The following PTPRD variants were observed in gnomAD, a reference collection of about 807,000 sequenced individuals.
The protein encoded by PTPRD is receptor-type tyrosine-protein phosphatase delta.
Under a neutral mutation model 214.5 loss-of-function variants are expected in PTPRD, and 34 were observed. That is an observed-to-expected ratio of 0.16 (90% CI 0.12 to 0.21). The LOEUF (loss-of-function observed/expected upper bound fraction) is 0.21, where lower values mean the gene tolerates loss of function less well. Among genes scored for constraint, PTPRD ranks in the 10% least tolerant of loss-of-function variants. The pLI, the probability that PTPRD is intolerant of heterozygous loss-of-function variation, is 1.00. For missense variants in PTPRD, 2,545 were observed against 2,398.7 expected, an observed-to-expected ratio of 1.06 and a Z score of -1.27; for synonymous variants, 1,128 against 845.7, an observed-to-expected ratio of 1.33 and a Z score of -5.79.
At chr9:10,386,869 T>C (rs1329008573) in intron 2 of PTPRD, among the ~76,000 whole-genome samples, 1 of 151,646 alleles carries the variant, frequency 6.6e-6, no homozygotes, top group African/African-American at 2.4e-5. Flanking sequence ...GCTAATAAAA[T>C]GACATTAAGA....
Position 9,982,609 on chromosome 9 carries a change from G to C in PTPRD, c.-471-43999C>G, listed in dbSNP as rs548074211. On this transcript the variant is annotated intron_variant, in intron 4 of 45. Coordinates refer to ENST00000381196, the MANE Select transcript of PTPRD (RefSeq NM_002839.4). ...AAGTTTCTTTCTTCCCTCAGGATAA[G>C]AATCAACACTTCCAGTTGCATTGTG... 2.5e-4 allele frequency among the ~76,000 whole-genome samples: 38 copies of C among 151,874 alleles called. No homozygotes were observed. In the South Asian group the frequency reaches 7.7e-3, roughly 31 times the overall value.
intron 11 of PTPRD, among the ~76,000 whole-genome samples, chr9:8,836,872 T>C (rs1453756313): frequency 6.6e-6 from 1 of 151,888 alleles, no homozygotes; most frequent in East Asian, 1.9e-4. Context: ...AGCAGACTCC[T>C]CCCTAGAAAA....
chr9:10,431,547 G>A (rs1245715725), intron 2 of PTPRD, among the ~76,000 whole-genome samples: 5 of 151,432 alleles, frequency 3.3e-5, no homozygotes. Context: ...CTGACAAAGG[G>A]CTAATATCCA....
At chr9:8,906,136 T>A (rs10759016) in intron 11 of PTPRD, among the ~76,000 whole-genome samples, 1 of 152,054 alleles carries the variant, frequency 6.6e-6, no homozygotes, top group Admixed American at 6.6e-5. Flanking sequence ...TAAGGACCTA[T>A]GCCCTGAGTT....
chr9:10,505,389 G>T (rs796328065), intron 2 of PTPRD, among the ~76,000 whole-genome samples: 4 of 152,252 alleles, frequency 2.6e-5, no homozygotes, highest in African/African-American at 9.6e-5. Flanking sequence ...AAGGGTTCCT[G>T]TTTGAGCTCC....
chr9:8,451,087 T>C (rs1314649635), intron 33 of PTPRD, among the ~76,000 whole-genome samples: 5 of 152,156 alleles, frequency 3.3e-5, no homozygotes, highest in Non-Finnish European at 5.9e-5. Context: ...TCCTGTTAAA[T>C]AGCCTTTCTT....
intron 11 of PTPRD, among the ~76,000 whole-genome samples, chr9:8,965,892 AG>A (rs2099191061): frequency 6.6e-6 from 1 of 152,148 alleles, no homozygotes; most frequent in Admixed American, 6.6e-5. Context: ...GAAAACCCTA[AG>A]GACTCTGACA....
chr9:10,150,523 AG>A (rs2099053652), intron 3 of PTPRD, among the ~76,000 whole-genome samples: 1 of 151,762 alleles, frequency 6.6e-6, no homozygotes, highest in Non-Finnish European at 1.5e-5. Flanking sequence ...GGGCAGGAGG[AG>A]GGGGGAGGGA....
At chr9:10,033,512 T>A (rs1165757124) in intron 4 of PTPRD, among the ~76,000 whole-genome samples, 2 of 152,018 alleles carry the variant, frequency 1.3e-5, no homozygotes, top group African/African-American at 4.8e-5. Context: ...TTTATATCTA[T>A]AAGTTTTAAT....
intron 11 of PTPRD, among the ~76,000 whole-genome samples, chr9:8,849,871 CA>C (rs2097778732): frequency 6.6e-6 from 1 of 151,856 alleles, no homozygotes; most frequent in Non-Finnish European, 1.5e-5. Flanking sequence ...TTTCATAAAG[CA>C]AAAATTAGGA....
intron 11 of PTPRD, among the ~76,000 whole-genome samples, chr9:8,914,325 G>T (rs775452185): frequency 2.0e-5 from 3 of 151,968 alleles, no homozygotes; most frequent in African/African-American, 7.2e-5. Context: ...ACTAAAATTT[G>T]TTCTTACCAA....
At chr9:9,681,500 A>G (rs2097070237) in intron 7 of PTPRD, among the ~76,000 whole-genome samples, 1 of 151,734 alleles carries the variant, frequency 6.6e-6, no homozygotes, top group Non-Finnish European at 1.5e-5. Context: ...ATCTTGACAC[A>G]TAAGCCCTAC....
intron 7 of PTPRD, among the ~76,000 whole-genome samples, chr9:9,687,877 C>G (rs2097193500): frequency 1.3e-5 from 2 of 151,734 alleles, no homozygotes; most frequent in African/African-American, 4.8e-5. Flanking sequence ...ATGTCCCCAC[C>G]CAACTCTTAT....
intron 39 of PTPRD, among the ~76,000 whole-genome samples, chr9:8,353,875 T>A (rs184343564): frequency 1.9e-4 from 26 of 134,920 alleles, no homozygotes; most frequent in African/African-American, 7.9e-4. Flanking sequence ...TGTATATATG[T>A]ATATATGTGT....
intron 5 of PTPRD, among the ~76,000 whole-genome samples, chr9:9,791,310 A>T (rs2098965677): frequency 6.6e-6 from 1 of 152,188 alleles, no homozygotes; most frequent in African/African-American, 2.4e-5. Context: ...TTGTTCTTTA[A>T]GAAATTCATA....
At chr9:9,151,002 T>C (rs755604235) in intron 10 of PTPRD, among the ~76,000 whole-genome samples, 7 of 152,304 alleles carry the variant, frequency 4.6e-5, no homozygotes, top group Non-Finnish European at 8.8e-5. Flanking sequence ...GGAGTCCACA[T>C]TTTAAATGTT....
At chr9:9,555,719 G>T (rs1221729978) in intron 8 of PTPRD, among the ~76,000 whole-genome samples, 2 of 151,946 alleles carry the variant, frequency 1.3e-5, no homozygotes, top group African/African-American at 4.8e-5. Context: ...TTATGTTTCT[G>T]AATATACAGA....
At chr9:8,418,705 G>A (rs1201889206) in intron 35 of PTPRD, among the ~76,000 whole-genome samples, 3 of 151,932 alleles carry the variant, frequency 2.0e-5, no homozygotes, top group African/African-American at 4.8e-5. Flanking sequence ...ATAACAGACT[G>A]ATGCATTCTT....
At chr9:10,027,475 G>C (rs554415392) in intron 4 of PTPRD, among the ~76,000 whole-genome samples, 1 of 152,238 alleles carries the variant, frequency 6.6e-6, no homozygotes, top group East Asian at 1.9e-4. Context: ...CTAAGTTTCT[G>C]TACAAAAGTG....
Sources: allele counts gnomAD v4.1 joint callset (sites outside exome capture counted in the v4.1 genomes callset), GRCh38; gene constraint gnomAD v4.1.1; transcripts MANE v1.5; gene names NCBI Gene and HGNC (gene_info 2026-07-23, HGNC 2026-07-21).